OR9Q1: variants seen among roughly 807,000 people sequenced by gnomAD.
OR9Q1 encodes the protein olfactory receptor family 9 subfamily Q member 1.
For missense variants in OR9Q1, 374 were observed against 378.8 expected (o/e 0.99, Z 0.11); for synonymous variants, 153 against 148.6 (o/e 1.03, Z -0.22).
chr11:58,068,668 C>T (rs927635934), intron 2 of OR9Q1, among the ~76,000 whole-genome samples: 3 of 152,154 alleles, frequency 2.0e-5, no homozygotes, highest in Non-Finnish European at 4.4e-5. Flanking sequence ...TCAGTGTGAT[C>T]ATTTAGGTCA....
chr11:58,170,368 A>G (rs879639160), intron 2 of OR9Q1, among the ~76,000 whole-genome samples: 2 of 152,088 alleles, frequency 1.3e-5, no homozygotes, highest in Admixed American at 6.6e-5. Flanking sequence ...ATCATAGTGC[A>G]GATTTTATGC....
At chr11:58,091,191 G>A (rs1484352293) in intron 2 of OR9Q1, among the ~76,000 whole-genome samples, 1 of 151,936 alleles carries the variant, frequency 6.6e-6, no homozygotes. Flanking sequence ...GCTAGCTTTC[G>A]AATGTGTTTG....
chr11:58,061,084 T>C (rs886776523), intron 2 of OR9Q1, among the ~76,000 whole-genome samples: 1 of 152,146 alleles, frequency 6.6e-6, no homozygotes, highest in African/African-American at 2.4e-5. Context: ...TGCCTGTTCT[T>C]TTCTCTTCTC....
At chr11:58,067,296 A>G (rs546054818) in intron 2 of OR9Q1, among the ~76,000 whole-genome samples, 18 of 151,970 alleles carry the variant, frequency 1.2e-4, no homozygotes, top group Non-Finnish European at 1.5e-4. Context: ...TCGGCCTCCC[A>G]AAGTGTTGGG....
At chr11:58,055,800 T>TAAAAAAAAAAAGA (rs1853321565) in intron 1 of OR9Q1, 70 bp from the exon 2 acceptor site, 1 of 112,862 alleles carries the variant, frequency 8.9e-6, no homozygotes, top group African/African-American at 3.4e-5. Context: ...ACTCTATCTC[T>TAAAAAAAAAAAGA]AAAAAAAAAA....
intron 2 of OR9Q1, among the ~76,000 whole-genome samples, chr11:58,148,675 A>G (rs1196150508): frequency 6.6e-6 from 1 of 152,214 alleles, no homozygotes; most frequent in African/African-American, 2.4e-5. Context: ...GATGGAATTC[A>G]AAAAAGGTAA....
chr11:58,036,477 A>C (rs1853101894), intron 1 of OR9Q1, among the ~76,000 whole-genome samples: 1 of 152,234 alleles, frequency 6.6e-6, no homozygotes, highest in Non-Finnish European at 1.5e-5. Context: ...TATTTAGGAC[A>C]TACATTTGGT....
chr11:58,117,522 A>G (rs904921048), intron 2 of OR9Q1: 5 of 152,232 alleles, frequency 3.3e-5, no homozygotes, highest in African/African-American at 9.6e-5. Context: ...TTTGGACTCA[A>G]TAGTGAAGAA....
At chr11:58,031,764 C>T in intron 1 of OR9Q1, 2 of 1,614,044 alleles carry the variant, frequency 1.2e-6, no homozygotes, top group Non-Finnish European at 1.7e-6. Context: ...GTGACCTCCT[C>T]CATCAACTTC....
chr11:58,074,046 C>T (rs1853515523), intron 2 of OR9Q1, among the ~76,000 whole-genome samples: 1 of 152,172 alleles, frequency 6.6e-6, no homozygotes, highest in Non-Finnish European at 1.5e-5. Flanking sequence ...TTTATCTAGT[C>T]TATCATTGAT....
At chr11:58,071,078 T>C (rs1261487468) in intron 2 of OR9Q1, among the ~76,000 whole-genome samples, 1 of 152,190 alleles carries the variant, frequency 6.6e-6, no homozygotes, top group Non-Finnish European at 1.5e-5. Flanking sequence ...GGGCCTAAGA[T>C]GCTTTATATC....
chr11:58,070,253 T>A (rs1853474312), intron 2 of OR9Q1, among the ~76,000 whole-genome samples: 1 of 151,842 alleles, frequency 6.6e-6, no homozygotes, highest in African/African-American at 2.4e-5. Flanking sequence ...TGACCTCAAG[T>A]GATCTGCTCG....
chr11:58,074,861 G>T (rs1190160509), intron 2 of OR9Q1, among the ~76,000 whole-genome samples: 7 of 152,106 alleles, frequency 4.6e-5, no homozygotes, highest in Non-Finnish European at 1.0e-4. Flanking sequence ...ATTTAATGGG[G>T]AATCCTTTCT....
intron 2 of OR9Q1, among the ~76,000 whole-genome samples, chr11:58,088,888 G>T (rs560341298): frequency 0.012 from 1,828 of 148,986 alleles, 64 homozygotes; most frequent in African/African-American, 0.04. Flanking sequence ...CTTTTTTTTT[G>T]TTTTTGAGAC....
intron 2 of OR9Q1, among the ~76,000 whole-genome samples, chr11:58,098,053 T>C (rs1853748319): frequency 6.6e-6 from 1 of 152,180 alleles, no homozygotes; most frequent in Admixed American, 6.5e-5. Flanking sequence ...GTGGCAAAAC[T>C]CTTTATATCA....
chr11:58,134,622 C>CTT (rs1854173908), intron 2 of OR9Q1, among the ~76,000 whole-genome samples: 1 of 152,130 alleles, frequency 6.6e-6, no homozygotes. Context: ...CTTGAGCAGA[C>CTT]TTTATATGCC....
intron 2 of OR9Q1, among the ~76,000 whole-genome samples, chr11:58,154,618 A>G (rs1321288291): frequency 6.6e-6 from 1 of 152,216 alleles, no homozygotes; most frequent in African/African-American, 2.4e-5. Flanking sequence ...AACATTCCCA[A>G]CACAAAGAAA....
At chr11:58,158,703 A>G (rs937833209) in intron 2 of OR9Q1, among the ~76,000 whole-genome samples, 2 of 152,144 alleles carry the variant, frequency 1.3e-5, no homozygotes, top group Non-Finnish European at 2.9e-5. Flanking sequence ...CTGACTCAAG[A>G]TGGGCTAGTT....
intron 2 of OR9Q1, among the ~76,000 whole-genome samples, chr11:58,111,032 G>A (rs1381386374): frequency 6.6e-6 from 1 of 152,076 alleles, no homozygotes; most frequent in Non-Finnish European, 1.5e-5. Flanking sequence ...TTGAGCCTAG[G>A]GATTTCATGG....
Sources: gnomAD v4.1 joint callset for allele counts (sites outside exome capture counted in the v4.1 genomes callset) on GRCh38, gnomAD v4.1.1 for gene constraint, MANE v1.5 for transcripts, NCBI Gene and HGNC (gene_info 2026-07-23, HGNC 2026-07-21) for gene names.